RBFOX1: variants seen among roughly 807,000 people sequenced by gnomAD.
RBFOX1 encodes the protein RNA binding protein fox-1 homolog 1.
RBFOX1 carries 8 observed loss-of-function variants against 57.7 expected under a neutral mutation model. The observed-to-expected ratio is 0.14, with a 90% confidence interval of 0.08 to 0.25. RBFOX1 has a LOEUF of 0.25. RBFOX1 is among the 10% of genes least tolerant of loss of function. The pLI, the probability that RBFOX1 is intolerant of heterozygous loss-of-function variation, is 1.00. For synonymous variants in RBFOX1, 326 were observed against 222.4 expected (o/e 1.47, Z -4.15); for missense variants, 611 against 548.5 (o/e 1.11, Z -1.14).
intron 4 of RBFOX1, among the ~76,000 whole-genome samples, chr16:7,339,264 A>T (rs570981834): frequency 1.3e-5 from 2 of 152,180 alleles, no homozygotes; most frequent in African/African-American, 4.8e-5. Context: ...GCAATTATCT[A>T]TTGAGCACCT....
rs550503476 is a variant in RBFOX1 at position 6,283,011 on chromosome 16, T to A, written c.-126-33984T>A. ...CTGTTGCAAAGTGACTGAGTCTAGA[T>A]GTGCTCCTACATCTGACTCTAAAAC... On this transcript the variant is annotated intron_variant, in intron 1 of 15. Transcript: ENST00000550418. Among the ~76,000 whole-genome samples the A allele has an allele frequency of 3.9e-5, 6 of 152,306 alleles. No homozygotes were observed. In the South Asian group the frequency reaches 1.2e-3, roughly 32 times the overall value.
chr16:5,322,816 T>G (rs2064450127), intron 1 of RBFOX1, among the ~76,000 whole-genome samples: 1 of 152,236 alleles, frequency 6.6e-6, no homozygotes, highest in Non-Finnish European at 1.5e-5. Context: ...TTTTGAGAGT[T>G]AAATGTTATA....
chr16:5,418,632 G>C (rs775687685), intron 1 of RBFOX1, among the ~76,000 whole-genome samples: 1 of 151,972 alleles, frequency 6.6e-6, no homozygotes, highest in Non-Finnish European at 1.5e-5. Flanking sequence ...TAACCACCCC[G>C]CCATACCTCC....
intron 3 of RBFOX1, among the ~76,000 whole-genome samples, chr16:5,674,273 C>T (rs376094427): frequency 1.4e-4 from 22 of 152,324 alleles, no homozygotes; most frequent in African/African-American, 4.8e-4. Context: ...ATTTAGGGTT[C>T]AGAGAAGCTG....
At chr16:6,977,630 C>T (rs1280184576) in intron 3 of RBFOX1, among the ~76,000 whole-genome samples, 2 of 152,088 alleles carry the variant, frequency 1.3e-5, no homozygotes, top group South Asian at 2.1e-4. Flanking sequence ...AAACGGCAGG[C>T]CCCCGGCTGG....
At chr16:6,604,970 A>G (rs1389944864) in intron 2 of RBFOX1, among the ~76,000 whole-genome samples, 1 of 152,066 alleles carries the variant, frequency 6.6e-6, no homozygotes, top group Non-Finnish European at 1.5e-5. Flanking sequence ...CCTCATCTTT[A>G]CCAAAAAAAG....
chr16:7,035,925 C>T (rs1031175202), intron 3 of RBFOX1, among the ~76,000 whole-genome samples: 3 of 152,148 alleles, frequency 2.0e-5, no homozygotes, highest in Non-Finnish European at 4.4e-5. Context: ...GTCACCACCA[C>T]CACCCAGCCA....
In RBFOX1 at chr16:7,005,179, C is replaced by T. The variant is rs544199646; in HGVS notation, c.-15-46878C>T. Among the ~76,000 whole-genome samples, 23 of 148,836 alleles carry T rather than the reference C, an allele frequency of 1.5e-4. No homozygotes were observed. The South Asian group carries it at 4.8e-3, about 31-fold the overall frequency. ...AAACGAAAAAAAACCCAAAACTAAACAAAATAAACACATATCCTCACCTTT... is the reference window on the plus strand; with the variant it reads ...AAACGAAAAAAAACCCAAAACTAAATAAAATAAACACATATCCTCACCTTT... On this transcript the variant is annotated intron_variant, in intron 3 of 15. Coordinates refer to ENST00000550418, the MANE Select transcript of RBFOX1 (RefSeq NM_018723.4).
chr16:6,298,126 G>A (rs1469334961), intron 1 of RBFOX1, among the ~76,000 whole-genome samples: 11 of 152,182 alleles, frequency 7.2e-5, no homozygotes, highest in East Asian at 5.8e-4. Flanking sequence ...TGTAACACAC[G>A]CCCAGTTGGG....
intron 3 of RBFOX1, among the ~76,000 whole-genome samples, chr16:6,684,050 C>T (rs1346285544): frequency 1.3e-5 from 2 of 152,132 alleles, no homozygotes; most frequent in Non-Finnish European, 2.9e-5. Flanking sequence ...TGTGGGCATC[C>T]TCAAATTTGT....
intron 13 of RBFOX1, among the ~76,000 whole-genome samples, chr16:7,669,366 G>A (rs1055471705): frequency 2.0e-5 from 3 of 152,122 alleles, no homozygotes; most frequent in African/African-American, 4.8e-5. Context: ...TGAAAAGAGG[G>A]AGAGAAAGAA....
intron 4 of RBFOX1, among the ~76,000 whole-genome samples, chr16:7,208,467 G>T (rs1000131802): frequency 1.3e-5 from 2 of 152,150 alleles, no homozygotes; most frequent in South Asian, 2.1e-4. Flanking sequence ...GAAAGAGAAA[G>T]GGAGCTGGTA....
intron 1 of RBFOX1, among the ~76,000 whole-genome samples, chr16:5,311,985 G>T (rs2064102824): frequency 6.6e-6 from 1 of 152,164 alleles, no homozygotes; most frequent in Non-Finnish European, 1.5e-5. Flanking sequence ...AAGAGCAAAG[G>T]CCATGTTCTA....
intron 4 of RBFOX1, among the ~76,000 whole-genome samples, chr16:7,414,282 A>C (rs1327219158): frequency 1.3e-5 from 2 of 152,236 alleles, no homozygotes; most frequent in Non-Finnish European, 2.9e-5. Context: ...CCTGCCTTAC[A>C]CAAGGAACTC....
At chr16:5,593,639 C>T (rs372646833) in intron 2 of RBFOX1, among the ~76,000 whole-genome samples, 44 of 152,170 alleles carry the variant, frequency 2.9e-4, no homozygotes, top group South Asian at 1.2e-3. Context: ...AATGCCATGG[C>T]GATGTCAGGA....
At chr16:7,010,746 G>C (rs531599911) in intron 3 of RBFOX1, among the ~76,000 whole-genome samples, 4 of 152,156 alleles carry the variant, frequency 2.6e-5, no homozygotes, top group African/African-American at 9.6e-5. Flanking sequence ...TGTATTTTTA[G>C]TAGAGACATG....
intron 1 of RBFOX1, among the ~76,000 whole-genome samples, chr16:5,425,436 C>T (rs1033260566): frequency 7.9e-5 from 12 of 152,044 alleles, no homozygotes; most frequent in East Asian, 3.9e-4. Flanking sequence ...AGTCCCCAAA[C>T]GTACTGGATG....
At chr16:5,836,225 C>G (rs946716508) in intron 3 of RBFOX1, among the ~76,000 whole-genome samples, 1 of 152,068 alleles carries the variant, frequency 6.6e-6, no homozygotes, top group Non-Finnish European at 1.5e-5. Context: ...CCAGGGGAGC[C>G]CAACTAGCAG....
chr16:7,185,112 G>T (rs1156873735), intron 4 of RBFOX1, among the ~76,000 whole-genome samples: 2 of 152,198 alleles, frequency 1.3e-5, no homozygotes, highest in East Asian at 3.9e-4. Flanking sequence ...CCACCTAACA[G>T]TGGGGTATTA....
Sources: gnomAD v4.1 joint callset for allele counts (sites outside exome capture counted in the v4.1 genomes callset) on GRCh38, gnomAD v4.1.1 for gene constraint, MANE v1.5 for transcripts, NCBI Gene and HGNC (gene_info 2026-07-23, HGNC 2026-07-21) for gene names.